Variants in CALD1 observed in about 807,000 individuals in gnomAD.
The protein encoded by CALD1 is caldesmon.
CALD1 carries 33 observed loss-of-function variants against 99.9 expected under a neutral mutation model. The ratio of observed to expected loss-of-function variants is 0.33; its 90% confidence interval spans 0.25 to 0.44. CALD1 has a LOEUF of 0.44. Among genes scored for constraint, CALD1 ranks in the 20% least tolerant of loss-of-function variants. CALD1 has a pLI of 1.00. For missense variants in CALD1, 861 were observed against 962.1 expected (o/e 0.89, Z 1.39); for synonymous variants, 310 against 325.0 (o/e 0.95, Z 0.50).
intron 1 of CALD1, among the ~76,000 whole-genome samples, chr7:134,794,907 C>T (rs961148690): frequency 3.9e-5 from 6 of 152,192 alleles, no homozygotes; most frequent in African/African-American, 1.4e-4. Flanking sequence ...AAAATCACTT[C>T]AATTTTCCAG....
At chr7:134,912,941 G>C (rs1803919816) in intron 3 of CALD1, among the ~76,000 whole-genome samples, 1 of 152,064 alleles carries the variant, frequency 6.6e-6, no homozygotes, top group Admixed American at 6.6e-5. Context: ...AGCCAATTAT[G>C]TGTTTCTTTG....
At chr7:134,724,288 T>C in the CALD1 span, among the ~76,000 whole-genome samples, 4 of 152,222 alleles carry the variant, frequency 2.6e-5, no homozygotes, top group African/African-American at 9.7e-5. Context: ...TTAGCAACCA[T>C]CTTCTTGTTT....
chr7:134,907,629 C>CA (rs1192576867), intron 3 of CALD1, among the ~76,000 whole-genome samples: 3 of 151,994 alleles, frequency 2.0e-5, no homozygotes, highest in Non-Finnish European at 2.9e-5. Context: ...AATGCATTTA[C>CA]AAAAAATATT....
intron 1 of CALD1, among the ~76,000 whole-genome samples, chr7:134,806,159 A>G (rs890029351): frequency 1.3e-5 from 2 of 152,194 alleles, no homozygotes; most frequent in African/African-American, 4.8e-5. Context: ...AGCCATCCCC[A>G]TGGCATAGTT....
chr7:134,929,817 TAGTG>T (rs1805395645), intron 4 of CALD1, among the ~76,000 whole-genome samples: 1 of 150,518 alleles, frequency 6.6e-6, no homozygotes, highest in African/African-American at 2.4e-5. Context: ...AGATACCCAG[TAGTG>T]GGACTGCTGG....
rs186132573 is a variant in CALD1, at chr7:134,920,286, G to A, written c.72-8468G>A. On this transcript the variant is annotated intron_variant, in intron 3 of 14. Coordinates refer to ENST00000361675, the MANE Select transcript of CALD1 (RefSeq NM_033138.4). Reference sequence around the variant, plus strand: ...TGAAATAAAATCCCTGGGGGTTTTGGTACATGAAAAAGAATAATGAAAGTA... The same window carrying A: ...TGAAATAAAATCCCTGGGGGTTTTGATACATGAAAAAGAATAATGAAAGTA... Among the ~76,000 whole-genome samples, 348 of 125,740 alleles carry A rather than the reference G, an allele frequency of 2.8e-3. 2 individuals are homozygous for A. Among genetic ancestry groups the A allele is most frequent in the Middle Eastern group, 0.021 (5 of 236 alleles). The allele number at this position is 125,740 out of a possible 152,430, so 82.5% of individuals were successfully genotyped here. A position where few individuals can be genotyped will look rare whatever the true frequency, so the allele number is the denominator to read the frequency against.
At chr7:134,860,675 T>C (rs754248692) in intron 2 of CALD1, among the ~76,000 whole-genome samples, 8 of 152,282 alleles carry the variant, frequency 5.3e-5, no homozygotes, top group Non-Finnish European at 1.0e-4. Context: ...AACAAAAGCA[T>C]ATGGAAAGTA....
At chr7:134,962,103 T>TA (rs555602200) in intron 13 of CALD1, 34 of 152,186 alleles carry the variant, frequency 2.2e-4, no homozygotes, top group Non-Finnish European at 4.0e-4. Flanking sequence ...GAGGAGATGC[T>TA]AATTTTTGCA....
intron 7 of CALD1, among the ~76,000 whole-genome samples, chr7:134,946,320 G>A (rs1806868382): frequency 1.3e-5 from 2 of 151,834 alleles, no homozygotes; most frequent in South Asian, 4.2e-4. Flanking sequence ...TAAAAATTGT[G>A]GTAAAAACAA....
At chr7:134,809,282 G>A (rs12667036) in intron 1 of CALD1, among the ~76,000 whole-genome samples, 1 of 152,106 alleles carries the variant, frequency 6.6e-6, no homozygotes, top group Non-Finnish European at 1.5e-5. Flanking sequence ...TTTTAATGTA[G>A]TATTTTGGGC....
rs1333644664 is a variant in CALD1 at position 134,947,906 on chromosome 7, T to C, written c.1794+137T>C. 5 of 1,054,408 alleles carry C rather than the reference T, an allele frequency of 4.7e-6. No homozygotes were observed. The East Asian group carries it at 7.5e-5, about 16-fold the overall frequency. 65.3% of individuals were successfully genotyped at this position (1,054,408 alleles called of 1,614,324 possible). A position where few individuals can be genotyped will look rare whatever the true frequency, so the allele number is the denominator to read the frequency against. On this transcript the variant is annotated intron_variant, in intron 8 of 14. Coordinates refer to ENST00000361675, the MANE Select transcript of CALD1 (RefSeq NM_033138.4). ...TTACCATGTGCTAGGTACTGTTTTA[T>C]AACTTGTAGATGTATTAATTTGTCC...
chr7:134,888,722 T>C (rs1801998407), intron 3 of CALD1, among the ~76,000 whole-genome samples: 1 of 152,242 alleles, frequency 6.6e-6, no homozygotes, highest in Admixed American at 6.5e-5. Flanking sequence ...CCAGGTAGCA[T>C]GAGCTATAAC....
intron 1 of CALD1, among the ~76,000 whole-genome samples, chr7:134,813,949 C>T (rs1221120974): frequency 6.6e-6 from 1 of 151,930 alleles, no homozygotes; most frequent in Non-Finnish European, 1.5e-5. Flanking sequence ...GACAGAAGCC[C>T]AAGGAACTAA....
chr7:134,742,120 G>A (rs1796597440), upstream of CALD1, among the ~76,000 whole-genome samples: 1 of 152,084 alleles, frequency 6.6e-6, no homozygotes, highest in African/African-American at 2.4e-5. Flanking sequence ...AACTGGAACA[G>A]TCATTTCCTT....
chr7:134,711,726 G>GTGTGTGTGTCTC, the CALD1 span, among the ~76,000 whole-genome samples: 3 of 96,686 alleles, frequency 3.1e-5, no homozygotes, highest in Non-Finnish European at 6.9e-5. Flanking sequence ...GTGTGTGTGT[G>GTGTGTGTGTCTC]TCTCTCTCTC....
At chr7:134,782,249 C>T (rs1015701783) in intron 1 of CALD1, among the ~76,000 whole-genome samples, 22 of 152,158 alleles carry the variant, frequency 1.4e-4, no homozygotes, top group East Asian at 5.8e-4. Context: ...GAAATGTGGT[C>T]GGGGGACAGG....
chr7:134,870,955 T>A (rs781474397), intron 3 of CALD1, among the ~76,000 whole-genome samples: 17 of 152,256 alleles, frequency 1.1e-4, no homozygotes, highest in East Asian at 5.8e-4. Context: ...GGTGGGAAAG[T>A]GCAGGGTGTG....
intron 3 of CALD1, among the ~76,000 whole-genome samples, chr7:134,894,102 T>C (rs1274930703): frequency 6.6e-5 from 10 of 152,186 alleles, no homozygotes; most frequent in Non-Finnish European, 1.5e-4. Flanking sequence ...TGCATTGCCA[T>C]GGTGAAGTTT....
At position 134,751,255 on chromosome 7, in the gene CALD1, T is replaced by C. The variant is rs116309657; in HGVS notation, c.-130+6892T>C. 2.9e-3 allele frequency among the ~76,000 whole-genome samples: 443 copies of C among 152,352 alleles called. 2 individuals are homozygous for C. Among genetic ancestry groups the C allele is most frequent in the African/African-American group, 0.01 (419 of 41,584 alleles). On this transcript the variant is annotated intron_variant, in intron 1 of 13. Transcript: ENST00000417172. The stretch of plus-strand genomic sequence containing the variant: ...AGGTTGTTCCCAAGATGAAAAGAGA[T>C]ATACAGTCACTAAGTGCTCAATCAA...
Sources: allele counts gnomAD v4.1 joint callset (sites outside exome capture counted in the v4.1 genomes callset), GRCh38; gene constraint gnomAD v4.1.1; transcripts MANE v1.5; gene names NCBI Gene and HGNC (gene_info 2026-07-23, HGNC 2026-07-21).